Variants in PHF14 observed in about 807,000 individuals in gnomAD.
PHF14 encodes the protein PHD finger protein 14.
Under a neutral mutation model 117.9 loss-of-function variants are expected in PHF14, and 55 were observed. That is an observed-to-expected ratio of 0.47 (90% CI 0.38 to 0.58). The LOEUF is 0.58. Among genes scored for constraint, PHF14 ranks in the 20% least tolerant of loss-of-function variants. PHF14 has a pLI of 0.00. For missense variants in PHF14, 978 were observed against 1,122.2 expected, an observed-to-expected ratio of 0.87 and a Z score of 1.84; for synonymous variants, 409 against 368.6, an observed-to-expected ratio of 1.11 and a Z score of -1.26.
intron 16 of PHF14, among the ~76,000 whole-genome samples, chr7:11,098,260 A>G (rs10249565): frequency 0.031 from 4,741 of 152,268 alleles, 259 homozygotes; most frequent in African/African-American, 0.11. Context: ...TATTTTGGGA[A>G]CAGTTTTCTA....
intron 16 of PHF14, chr7:11,105,541 T>A (rs1190828997): frequency 1.0e-6 from 1 of 980,238 alleles, no homozygotes; most frequent in Non-Finnish European, 1.2e-6. Flanking sequence ...TAAAAAAATT[T>A]AAAAATGGCA....
intron 17 of PHF14, among the ~76,000 whole-genome samples, chr7:11,124,879 G>A (rs555317827): frequency 3.9e-5 from 6 of 152,170 alleles, no homozygotes; most frequent in African/African-American, 1.4e-4. Context: ...AATCGGAAAG[G>A]GAAAAATATT....
At chr7:11,091,416 A>G (rs564244510) in intron 16 of PHF14, among the ~76,000 whole-genome samples, 2 of 152,246 alleles carry the variant, frequency 1.3e-5, no homozygotes, top group East Asian at 3.9e-4. Context: ...TTAAAGGTCT[A>G]CTGAATTAGA....
chr7:11,015,318 C>T (rs983465225), intron 5 of PHF14: 1 of 152,056 alleles, frequency 6.6e-6, no homozygotes, highest in Non-Finnish European at 1.5e-5. Flanking sequence ...GTAGAATCTA[C>T]CATTGAATCT....
intron 16 of PHF14, among the ~76,000 whole-genome samples, chr7:11,068,349 CAAA>C (rs10659513): frequency 1.5e-5 from 1 of 66,768 alleles, no homozygotes. Context: ...GACTCCGTCT[CAAA>C]AAAAAAAAAA....
intron 16 of PHF14, chr7:11,106,359 G>C: frequency 1.0e-6 from 1 of 979,324 alleles, no homozygotes; most frequent in Non-Finnish European, 1.2e-6. Context: ...AATGAAATAG[G>C]TTCAAGCCCT....
chr7:11,110,941 G>C (rs1428391293), intron 16 of PHF14: 1 of 152,610 alleles, frequency 6.6e-6, no homozygotes, highest in African/African-American at 2.4e-5. Flanking sequence ...GTATTTTATT[G>C]AATTCATATC....
intron 17 of PHF14, among the ~76,000 whole-genome samples, chr7:11,128,798 A>C (rs1788006706): frequency 7.3e-6 from 1 of 137,152 alleles, no homozygotes. Flanking sequence ...CTTTCTCACT[A>C]CTCTTTTGCA....
intron 16 of PHF14, chr7:11,106,786 G>A: frequency 1.0e-6 from 1 of 984,292 alleles, no homozygotes. Flanking sequence ...TGAAAAAGTT[G>A]GAAAATCCAA....
intron 5 of PHF14, among the ~76,000 whole-genome samples, chr7:11,015,901 G>A (rs1783518722): frequency 6.6e-6 from 1 of 151,486 alleles, no homozygotes; most frequent in African/African-American, 2.4e-5. Flanking sequence ...AATAAGTAAG[G>A]CAGTTTTGGA....
intron 6 of PHF14, among the ~76,000 whole-genome samples, chr7:11,027,694 A>G (rs576071000): frequency 7.4e-5 from 11 of 148,706 alleles, no homozygotes; most frequent in African/African-American, 2.7e-4. Context: ...TTATTAACCT[A>G]AAATTACTTT....
intron 17 of PHF14, among the ~76,000 whole-genome samples, chr7:11,138,917 T>A (rs1035190361): frequency 6.6e-6 from 1 of 152,196 alleles, no homozygotes; most frequent in Non-Finnish European, 1.5e-5. Context: ...ATTTTTTTCC[T>A]ATGTTGGTAG....
At chr7:11,027,631 A>G (rs149146862) in intron 6 of PHF14, among the ~76,000 whole-genome samples, 300 of 152,256 alleles carry the variant, frequency 2.0e-3, no homozygotes, top group African/African-American at 3.0e-3. Context: ...CTTTTTATAC[A>G]GAAAGAATGT....
intron 17 of PHF14, among the ~76,000 whole-genome samples, chr7:11,155,899 T>C (rs1788833105): frequency 6.6e-6 from 1 of 152,148 alleles, no homozygotes; most frequent in Non-Finnish European, 1.5e-5. Context: ...TATTTTAAAA[T>C]TTTATTTTAT....
chr7:11,012,641 G>A (rs919476429), intron 4 of PHF14, among the ~76,000 whole-genome samples: 13 of 152,182 alleles, frequency 8.5e-5, no homozygotes, highest in African/African-American at 2.9e-4. Flanking sequence ...GCATTGCCAA[G>A]TTATCTTGTC....
chr7:11,076,633 TCTCAG>T (rs1202201968), intron 16 of PHF14, among the ~76,000 whole-genome samples: 1 of 149,368 alleles, frequency 6.7e-6, no homozygotes, highest in African/African-American at 2.5e-5. Flanking sequence ...AGTGGCGTGA[TCTCAG>T]CTCACTGCAA....
Position 10,982,499 on chromosome 7 carries a change from A to G in PHF14, c.240A>G (p.Gln80=). The change falls in exon 3 of 18, where the codon CAA becomes CAG. Residue 80 remains glutamine, a synonymous_variant. Coordinates refer to ENST00000634607, the MANE Select transcript of PHF14 (RefSeq NM_001007157.2). ...LNEDIKVKEE[Q]LKNSAEEEVL... is the part of the protein sequence containing the mutation. ...AAGATATTAAAGTAAAAGAAGAACA[A>G]CTTAAAAATTCTGCAGAGGAAGAAG... 1 of 1,569,886 alleles carries G rather than the reference A, an allele frequency of 6.4e-7. No homozygotes were observed. Among genetic ancestry groups the G allele is most frequent in the Non-Finnish European group, 8.7e-7 (1 of 1,148,954 alleles).
chr7:11,069,559 C>T (rs1785537975), intron 16 of PHF14, among the ~76,000 whole-genome samples: 1 of 151,448 alleles, frequency 6.6e-6, no homozygotes, highest in Admixed American at 6.6e-5. Context: ...ATTTTATTTG[C>T]TAATATTTTG....
At chr7:11,055,227 C>G (rs111786067) in intron 14 of PHF14, among the ~76,000 whole-genome samples, 2,572 of 152,148 alleles carry the variant, frequency 0.017, 58 homozygotes, top group Admixed American at 0.06. Flanking sequence ...ATTAGCTTAC[C>G]CATATCCCTT....
Sources: allele counts gnomAD v4.1 joint callset (sites outside exome capture counted in the v4.1 genomes callset), GRCh38; gene constraint gnomAD v4.1.1; transcripts MANE v1.5; gene names NCBI Gene and HGNC (gene_info 2026-07-23, HGNC 2026-07-21).